The following TMEM63C variants were observed in gnomAD, a reference collection of about 807,000 sequenced individuals.
The protein encoded by TMEM63C is transmembrane protein 63C, also known as osmosensitive cation channel TMEM63C.
Under a neutral mutation model 99.2 loss-of-function variants are expected in TMEM63C, and 32 were observed. The observed-to-expected ratio is 0.32, with a 90% CI of 0.24 to 0.43. TMEM63C has a LOEUF of 0.43. Among genes scored for constraint, TMEM63C ranks in the 20% least tolerant of loss-of-function variants. The pLI, the probability that TMEM63C is intolerant of heterozygous loss-of-function variation, is 1.00. For missense variants in TMEM63C, 826 were observed against 1,053.0 expected (o/e 0.78, Z 2.98); for synonymous variants, 376 against 397.9 (o/e 0.94, Z 0.66).
chr14:77,236,788 G>A, intron 9 of TMEM63C, 56 bp downstream of exon 9: 1 of 1,221,180 alleles, frequency 8.2e-7, no homozygotes, highest in South Asian at 1.2e-5. Flanking sequence ...CCTCCCCACT[G>A]GGCTGACCAC....
chr14:77,185,887 G>A (rs1232843763), intron 1 of TMEM63C, among the ~76,000 whole-genome samples: 1 of 152,074 alleles, frequency 6.6e-6, no homozygotes, highest in Non-Finnish European at 1.5e-5. Context: ...TGAATGGGAG[G>A]AAGCGGAAAG....
At chr14:77,236,880 AAGCTTCCTCC>A (rs1889070770) in intron 9 of TMEM63C, 148 bp downstream of exon 9, 18 of 632,338 alleles carry the variant, frequency 2.8e-5, no homozygotes, top group Non-Finnish European at 5.1e-5. Context: ...AGCAGGGGCC[AAGCTTCCTCC>A]CTTCAGTCCT....
At chr14:77,227,204 T>C (rs1489450564) in intron 6 of TMEM63C, among the ~76,000 whole-genome samples, 1 of 152,082 alleles carries the variant, frequency 6.6e-6, no homozygotes. Flanking sequence ...TGAATGGCAT[T>C]AGAGAAAGTC....
At chr14:77,236,556 G>A in intron 8 of TMEM63C, 68 bp from the exon 9 acceptor site, 1 of 1,133,268 alleles carries the variant, frequency 8.8e-7, no homozygotes, top group Admixed American at 1.7e-5. Flanking sequence ...GAGGCCCAGG[G>A]GTCTCTGTGC....
At chr14:77,233,694 G>A (rs1028559632) in intron 8 of TMEM63C, among the ~76,000 whole-genome samples, 194 bp downstream of exon 8, 1 of 152,060 alleles carries the variant, frequency 6.6e-6, no homozygotes, top group Non-Finnish European at 1.5e-5. Flanking sequence ...TGTGAGATGA[G>A]GCCCTGTGTC....
At chr14:77,212,648 G>A (rs1594855050) in intron 1 of TMEM63C, among the ~76,000 whole-genome samples, 1 of 152,240 alleles carries the variant, frequency 6.6e-6, no homozygotes. Flanking sequence ...GCTTGGTGCT[G>A]CTTTAGGTTT....
At chr14:77,245,020 G>A (rs1889245306) in intron 16 of TMEM63C, among the ~76,000 whole-genome samples, 1 of 152,218 alleles carries the variant, frequency 6.6e-6, no homozygotes, top group Admixed American at 6.5e-5. Context: ...GCAGTACTTT[G>A]GCTTGAAAGC....
At chr14:77,243,370 G>T (rs1216213891) in intron 15 of TMEM63C, among the ~76,000 whole-genome samples, 1 of 152,158 alleles carries the variant, frequency 6.6e-6, no homozygotes, top group African/African-American at 2.4e-5. Context: ...CATGAACGGG[G>T]TCATCCCAGG....
rs1442012059 is a variant in TMEM63C at position 77,236,720 on chromosome 14, G to A, written c.639G>A (p.Arg213=). 2 of 1,611,318 alleles carry A rather than the reference G, an allele frequency of 1.2e-6. No homozygotes were observed. Among genetic ancestry groups the A allele is most frequent in the Admixed American group, 1.7e-5 (1 of 59,956 alleles). The change falls in exon 9 of 24, where the codon AGG becomes AGA. Residue 213 remains arginine, a synonymous_variant. Transcript: ENST00000298351. ...MAHHCLGFAP[R]NSQKVTRTLM... is the part of the protein sequence containing the mutation. ...ATCACTGCCTGGGGTTTGCACCCAG[G>A]AATAGCCAAAAGGTAAGTAGCCTAC...
intron 13 of TMEM63C, among the ~76,000 whole-genome samples, chr14:77,241,696 C>G (rs1000864501): frequency 6.6e-6 from 1 of 152,194 alleles, no homozygotes; most frequent in Admixed American, 6.5e-5. Flanking sequence ...GTTCACCTCC[C>G]GGAGGGTTGA....
intron 1 of TMEM63C, among the ~76,000 whole-genome samples, chr14:77,200,610 T>C (rs940975977): frequency 6.6e-6 from 1 of 152,200 alleles, no homozygotes; most frequent in Admixed American, 6.5e-5. Flanking sequence ...AGCCCAGAAA[T>C]AGGCTTCAAC....
chr14:77,228,540 CTT>C (rs34337596), intron 6 of TMEM63C, among the ~76,000 whole-genome samples: 3 of 145,952 alleles, frequency 2.1e-5, no homozygotes, highest in Non-Finnish European at 1.5e-5. Context: ...AAAAATAAAT[CTT>C]TTTTTTTTTT....
At chr14:77,239,356 G>T in intron 10 of TMEM63C, 56 bp from the exon 11 acceptor site, 1 of 1,584,294 alleles carries the variant, frequency 6.3e-7, no homozygotes, top group South Asian at 1.1e-5. Context: ...CAGGGGGTAG[G>T]GGCAGCACAT....
intron 21 of TMEM63C, among the ~76,000 whole-genome samples, chr14:77,250,033 C>T (rs548931903): frequency 2.6e-5 from 4 of 152,246 alleles, no homozygotes; most frequent in African/African-American, 9.6e-5. Context: ...TGAGGTCTCA[C>T]TATGTTGCCC....
At chr14:77,233,379 A>G in intron 7 of TMEM63C, 73 bp from the exon 8 acceptor site, 7 of 1,516,190 alleles carry the variant, frequency 4.6e-6, no homozygotes, top group Non-Finnish European at 6.3e-6. Context: ...GCATTTGTCC[A>G]GGAACCTTGA....
intron 8 of TMEM63C, among the ~76,000 whole-genome samples, chr14:77,234,112 C>T (rs1888994188): frequency 6.6e-6 from 1 of 152,160 alleles, no homozygotes. Context: ...TATCAATTTG[C>T]CCCGAGCCAA....
chr14:77,220,787 C>T (rs879622585), intron 5 of TMEM63C, among the ~76,000 whole-genome samples: 7 of 151,622 alleles, frequency 4.6e-5, no homozygotes, highest in Non-Finnish European at 1.0e-4. Context: ...TGAGAACGTC[C>T]TCCCTCCCCA....
At chr14:77,227,684 C>G (rs1401162754) in intron 6 of TMEM63C, among the ~76,000 whole-genome samples, 2 of 152,182 alleles carry the variant, frequency 1.3e-5, no homozygotes, top group African/African-American at 4.8e-5. Context: ...TGAAGCCAGG[C>G]CAGGACAAGG....
chr14:77,242,822 ACAG>A, intron 14 of TMEM63C, 78 bp from the exon 15 acceptor site: 1 of 1,548,238 alleles, frequency 6.5e-7, no homozygotes, highest in African/African-American at 1.4e-5. Flanking sequence ...GGCTGGGTCC[ACAG>A]CTGGCCTGCA....
Sources: gnomAD v4.1 joint callset for allele counts (sites outside exome capture counted in the v4.1 genomes callset) on GRCh38, gnomAD v4.1.1 for gene constraint, MANE v1.5 for transcripts, NCBI Gene and HGNC (gene_info 2026-07-23, HGNC 2026-07-21) for gene names.